Variants in MYBPHL observed in about 807,000 individuals in gnomAD.
MYBPHL encodes the protein myosin-binding protein H-like.
In MYBPHL, 32 loss-of-function variants were observed where a neutral mutation model predicts 39.5. The ratio of observed to expected loss-of-function variants is 0.81; its 90% CI spans 0.61 to 1.09. The LOEUF (loss-of-function observed/expected upper bound fraction) is 1.09, where lower values mean the gene tolerates loss of function less well. Among genes scored for constraint, MYBPHL ranks in the 50% least tolerant of loss-of-function variants. The pLI, the probability that MYBPHL is intolerant of heterozygous loss-of-function variation, is 0.00. For missense variants in MYBPHL, 456 were observed against 460.2 expected, an observed-to-expected ratio of 0.99 and a Z score of 0.08; for synonymous variants, 196 against 183.7, an observed-to-expected ratio of 1.07 and a Z score of -0.54.
intron 6 of MYBPHL, among the ~76,000 whole-genome samples, chr1:109,295,931 A>G (rs1570846069): frequency 6.6e-6 from 1 of 152,184 alleles, no homozygotes; most frequent in African/African-American, 2.4e-5. Flanking sequence ...GGAAGGAGAA[A>G]CCACAGGGAC....
chr1:109,294,342 G>T, intron 7 of MYBPHL, 93 bp from the exon 8 acceptor site: 1 of 1,273,528 alleles, frequency 7.9e-7, no homozygotes, highest in Non-Finnish European at 1.1e-6. Context: ...TCTATTTCAG[G>T]TTCTTGGGGA....
chr1:109,297,643 G>GGAATGAGGGTA (rs1658131529), intron 2 of MYBPHL, 26 bp from the exon 3 acceptor site: 6 of 1,597,826 alleles, frequency 3.8e-6, no homozygotes, highest in Non-Finnish European at 5.1e-6. Context: ...AATGCTTTGA[G>GGAATGAGGGTA]CAGCCCCGAG....
intron 1 of MYBPHL, among the ~76,000 whole-genome samples, chr1:109,305,760 C>T (rs1658445402): frequency 1.3e-5 from 2 of 152,226 alleles, no homozygotes; most frequent in African/African-American, 2.4e-5. Flanking sequence ...CCTGGCCTCT[C>T]CCATGAGGAT....
At chr1:109,298,845 G>T (rs1658182333) in intron 1 of MYBPHL, among the ~76,000 whole-genome samples, 5 of 152,090 alleles carry the variant, frequency 3.3e-5, no homozygotes, top group Admixed American at 3.3e-4. Flanking sequence ...CTGCTCCCGG[G>T]CGCCTGCACA....
chr1:109,306,794 TC>T, intron 1 of MYBPHL, 52 bp downstream of exon 1: 1 of 1,478,926 alleles, frequency 6.8e-7, no homozygotes, highest in South Asian at 1.3e-5. Context: ...GGCGATGTCT[TC>T]CCCAACTCCC....
At chr1:109,298,106 T>C (rs1452724560) in intron 2 of MYBPHL, 63 bp downstream of exon 2, 3 of 1,402,768 alleles carry the variant, frequency 2.1e-6, no homozygotes, top group Non-Finnish European at 2.9e-6. Context: ...TTGGTATCTG[T>C]TTCCAAATCC....
intron 2 of MYBPHL, among the ~76,000 whole-genome samples, chr1:109,297,951 T>A (rs936976255): frequency 1.3e-5 from 2 of 152,200 alleles, no homozygotes; most frequent in African/African-American, 4.8e-5. Flanking sequence ...AGGGCATGGA[T>A]TAGCCTCACA....
intron 8 of MYBPHL, 47 bp from the exon 9 acceptor site, chr1:109,292,635 AAC>A (rs1474575554): frequency 6.6e-6 from 1 of 152,288 alleles, no homozygotes; most frequent in Non-Finnish European, 1.5e-5. Context: ...AAGTATCATT[AAC>A]ACAGAGAGGG....
intron 1 of MYBPHL, among the ~76,000 whole-genome samples, chr1:109,302,203 T>TA (rs1658317008): frequency 2.0e-5 from 3 of 152,030 alleles, no homozygotes; most frequent in African/African-American, 7.3e-5. Context: ...CACACGTGCC[T>TA]ATGTGGGTGA....
intron 1 of MYBPHL, among the ~76,000 whole-genome samples, chr1:109,304,346 G>T (rs899931280): frequency 2.0e-5 from 3 of 152,190 alleles, no homozygotes; most frequent in East Asian, 1.9e-4. Flanking sequence ...CTAGGCATGA[G>T]ATTCAGTTTC....
intron 6 of MYBPHL, among the ~76,000 whole-genome samples, chr1:109,295,583 T>C (rs901636235): frequency 3.3e-5 from 5 of 152,256 alleles, no homozygotes; most frequent in Non-Finnish European, 7.3e-5. Flanking sequence ...AGCCCCTTTA[T>C]GGATCAGAAG....
At chr1:109,297,848 C>G (rs1486592999) in intron 2 of MYBPHL, among the ~76,000 whole-genome samples, 1 of 152,198 alleles carries the variant, frequency 6.6e-6, no homozygotes, top group African/African-American at 2.4e-5. Flanking sequence ...GAGCTTAGGT[C>G]ATGAACACCC....
At chr1:109,301,354 C>T (rs1251072949) in intron 1 of MYBPHL, among the ~76,000 whole-genome samples, 1 of 152,164 alleles carries the variant, frequency 6.6e-6, no homozygotes, top group East Asian at 1.9e-4. Flanking sequence ...TTGAAAAGTC[C>T]TTTGAGGGCC....
rs1212640213 is a variant in MYBPHL at position 109,297,403 on chromosome 1, C to G, written c.430+19G>C. 4 of 1,603,264 alleles carry G rather than the reference C, an allele frequency of 2.5e-6. No homozygotes were observed. The Admixed American group carries it at 6.7e-5, about 27-fold the overall frequency. On this transcript the variant is annotated intron_variant, in intron 3 of 8. Transcript: ENST00000357155. ...GGAGTTCCTGAGGACCCCCCCATCT[C>G]CCACTTCCCCCACCGTACCAATCAC...
At position 109,297,051 on chromosome 1, in the gene MYBPHL, C is replaced by G. The variant is rs1389914198; in HGVS notation, c.569G>C (p.Gly190Ala). 1.2e-6 allele frequency: 2 copies of G among 1,614,030 alleles called. No homozygotes were observed. ...TCCTTCCTTCCCAGCTGGCCTCACC[C>G]CGGATTTTGTGTCAGCCTTCTGCAC... Reference protein sequence around the residue: ...YTVQKADTKSGLWFTVLEHYH... With the variant: ...YTVQKADTKSALWFTVLEHYH... The change falls in exon 4 of 9, where the codon GGG (glycine) becomes GCG (alanine). Residue 190 changes from glycine (G) to alanine (A), a missense_variant and splice_region_variant. Gly to Ala is a moderately conservative substitution (Grantham distance 60, BLOSUM62 0). Coordinates refer to ENST00000357155, the MANE Select transcript of MYBPHL (RefSeq NM_001010985.3).
chr1:109,293,795 G>A (rs545805287), intron 8 of MYBPHL, among the ~76,000 whole-genome samples: 9 of 151,464 alleles, frequency 5.9e-5, no homozygotes, highest in Non-Finnish European at 1.0e-4. Context: ...TGGGCATGTC[G>A]GCTCTCACCT....
At chr1:109,297,229 C>T in intron 3 of MYBPHL, 40 bp from the exon 4 acceptor site, 1 of 1,613,988 alleles carries the variant, frequency 6.2e-7, no homozygotes, top group South Asian at 1.1e-5. Context: ...TGGAACATCC[C>T]ACATGCATTG....
rs1658087067 is a variant in MYBPHL, at chr1:109,296,842, T to C, written c.671A>G (p.Gln224Arg). The change falls in exon 5 of 9, where the codon CAG (glutamine) becomes CGG (arginine). Residue 224 changes from glutamine (Q) to arginine (R), a missense_variant. Coordinates refer to ENST00000357155, the MANE Select transcript of MYBPHL (RefSeq NM_001010985.3). ...SYAFRVFAEN[Q>R]CGLSETAPIT... ...GGGGGCTGTTTCACTGAGTCCGCAC[T>C]GGTTTTCAGCAAAGACACGGAAGGC... 1 of 1,614,178 alleles carries C rather than the reference T, an allele frequency of 6.2e-7. No individual in the cohort carries two copies. Among genetic ancestry groups the C allele is most frequent in the Non-Finnish European group, 8.5e-7 (1 of 1,180,022 alleles).
In MYBPHL at chr1:109,295,231, G is replaced by C; in HGVS notation, c.934C>G (p.His312Asp). Residue 312 changes from histidine to aspartate, a missense_variant, in exon 7 of 9, where the codon CAC becomes GAC. By Grantham distance (81) the His-to-Asp change is moderately conservative. Transcript: ENST00000357155. ...QGNPKYRALT[H>D]LGICSLEIRK... Reference sequence around the variant, plus strand: ...ATCTCTAGGGAGCAGATTCCCAGGTGAGTCAGGGCTCTGTACTTAGGGTTG... The same window carrying C: ...ATCTCTAGGGAGCAGATTCCCAGGTCAGTCAGGGCTCTGTACTTAGGGTTG... 1 of 1,614,148 alleles carries C rather than the reference G, an allele frequency of 6.2e-7. No individual in the cohort carries two copies. Among genetic ancestry groups the C allele is most frequent in the Non-Finnish European group, 8.5e-7 (1 of 1,180,024 alleles).
Sources: gnomAD v4.1 joint callset for allele counts (sites outside exome capture counted in the v4.1 genomes callset) on GRCh38, gnomAD v4.1.1 for gene constraint, MANE v1.5 for transcripts, NCBI Gene and HGNC (gene_info 2026-07-23, HGNC 2026-07-21) for gene names.